The following ERG variants were observed in gnomAD, a reference collection of about 807,000 sequenced individuals.
The protein encoded by ERG is ETS transcription factor ERG, also known as transcriptional regulator ERG.
Under a neutral mutation model 55.3 loss-of-function variants are expected in ERG, and 9 were observed. The ratio of observed to expected loss-of-function variants is 0.16; its 90% CI spans 0.10 to 0.28. ERG has a LOEUF of 0.28. Among genes scored for constraint, ERG ranks in the 10% least tolerant of loss-of-function variants. The pLI is 1.00. For synonymous variants in ERG, 223 were observed against 237.3 expected, an observed-to-expected ratio of 0.94 and a Z score of 0.55; for missense variants, 434 against 631.6, an observed-to-expected ratio of 0.69 and a Z score of 3.35.
the ERG span, among the ~76,000 whole-genome samples, chr21:38,372,256 CATTTTATTA>C: frequency 6.6e-6 from 1 of 151,794 alleles, no homozygotes; most frequent in East Asian, 1.9e-4. Flanking sequence ...AAGATTTGTC[CATTTTATTA>C]ATCTTTTAAA....
chr21:38,446,168 C>T (rs182207998), intron 1 of ERG, among the ~76,000 whole-genome samples: 21 of 135,004 alleles, frequency 1.6e-4, no homozygotes, highest in African/African-American at 4.2e-4. Context: ...AGTTATTAGC[C>T]GAAGTACAGT....
At chr21:38,485,168 G>A (rs963201674) in intron 1 of ERG, among the ~76,000 whole-genome samples, 2 of 152,020 alleles carry the variant, frequency 1.3e-5, no homozygotes, top group Non-Finnish European at 2.9e-5. Context: ...ATGAAAAACA[G>A]TGATATTGAT....
At chr21:38,550,744 A>G (rs1462958823) in intron 2 of ERG, among the ~76,000 whole-genome samples, 1 of 152,184 alleles carries the variant, frequency 6.6e-6, no homozygotes, top group East Asian at 1.9e-4. Flanking sequence ...GGTGGCTTTG[A>G]GATAATTGAG....
intron 1 of ERG, among the ~76,000 whole-genome samples, chr21:38,578,479 A>G (rs999244673): frequency 1.3e-5 from 2 of 152,232 alleles, no homozygotes; most frequent in Admixed American, 6.5e-5. Context: ...GGCGGCCTAT[A>G]TGATCTGCTT....
intron 1 of ERG, among the ~76,000 whole-genome samples, chr21:38,590,315 A>C (rs531875577): frequency 6.6e-6 from 1 of 152,308 alleles, no homozygotes; most frequent in African/African-American, 2.4e-5. Flanking sequence ...GCATTTCAGT[A>C]AGTGGGAATG....
At chr21:38,457,942 C>G (rs977546592) in intron 1 of ERG, among the ~76,000 whole-genome samples, 1 of 152,222 alleles carries the variant, frequency 6.6e-6, no homozygotes, top group African/African-American at 2.4e-5. Context: ...TCCACTCTAG[C>G]AGACTTGCAC....
chr21:38,374,029 T>C, the ERG span, among the ~76,000 whole-genome samples: 7 of 152,230 alleles, frequency 4.6e-5, no homozygotes, highest in Non-Finnish European at 1.0e-4. Flanking sequence ...TTTTCAGCAA[T>C]TGTTTAATAT....
intron 2 of ERG, among the ~76,000 whole-genome samples, 181 bp downstream of exon 2, chr21:38,445,223 C>A (rs544551784): frequency 1.3e-4 from 20 of 151,136 alleles, no homozygotes; most frequent in African/African-American, 4.1e-4. Context: ...CTCACTGCAA[C>A]CTCTGCCTCC....
At chr21:38,496,289 A>C (rs935024923) in intron 1 of ERG, among the ~76,000 whole-genome samples, 1 of 152,224 alleles carries the variant, frequency 6.6e-6, no homozygotes, top group African/African-American at 2.4e-5. Context: ...TATTTACTGA[A>C]ACAACAAAAA....
rs1364662867 is a variant in ERG, at chr21:38,635,029, C to T, written c.-150+26629G>A. ...ACGGAGGAATCCTGAGTGCATATTG[C>T]TAAGGGAAAAGTCAATATGAAAAGC... On this transcript the variant is annotated intron_variant, in intron 1 of 10. Transcript: ENST00000398910. Among the ~76,000 whole-genome samples the T allele has an allele frequency of 3.9e-5, 6 of 152,128 alleles. No homozygotes were observed. The East Asian group carries it at 1.2e-3, about 29-fold the overall frequency.
chr21:38,591,222 A>C (rs918768658), intron 1 of ERG, among the ~76,000 whole-genome samples: 4 of 152,246 alleles, frequency 2.6e-5, no homozygotes, highest in African/African-American at 9.6e-5. Context: ...AAAGTCATTC[A>C]ACCAACCATA....
intron 2 of ERG, among the ~76,000 whole-genome samples, chr21:38,560,923 T>C (rs2059889068): frequency 6.6e-6 from 1 of 152,208 alleles, no homozygotes; most frequent in African/African-American, 2.4e-5. Flanking sequence ...ATGCTTTTAA[T>C]TGATGCAAGA....
rs557646831 is a variant in ERG at position 38,550,472 on chromosome 21, C to T, written c.-41+25190G>A. Reference sequence around the variant, plus strand: ...GACTAGGTCATAAGGATGGAGGTCTCATGAATTGCATTAGTACCTTTACAA... The same window carrying T: ...GACTAGGTCATAAGGATGGAGGTCTTATGAATTGCATTAGTACCTTTACAA... On this transcript the variant is annotated intron_variant, in intron 2 of 8. Transcript: ENST00000398897. Among the ~76,000 whole-genome samples the T allele has an allele frequency of 5.9e-5, 9 of 152,284 alleles. No individual in the cohort carries two copies. In the East Asian group the frequency reaches 1.7e-3, roughly 29 times the overall value.
chr21:38,589,835 T>A (rs1332109806), upstream of ERG, among the ~76,000 whole-genome samples: 2 of 152,194 alleles, frequency 1.3e-5, no homozygotes, highest in African/African-American at 4.8e-5. Flanking sequence ...GCACATCAAA[T>A]GCATTTTCCT....
At chr21:38,632,371 A>C (rs2060361880) in intron 1 of ERG, among the ~76,000 whole-genome samples, 1 of 152,198 alleles carries the variant, frequency 6.6e-6, no homozygotes, top group African/African-American at 2.4e-5. Context: ...AAAATTAAAA[A>C]CAAGTGTTGG....
At chr21:38,507,014 G>A (rs1344075443) in intron 2 of ERG, among the ~76,000 whole-genome samples, 2 of 151,984 alleles carry the variant, frequency 1.3e-5, no homozygotes, top group African/African-American at 4.8e-5. Flanking sequence ...ATGGGAGGAG[G>A]CCCGGACCCT....
rs367552184 is a variant in ERG at position 38,382,723 on chromosome 21, G to A, written c.*680C>T. ...TTCACCCCTCTGTCTACAATCACAC[G>A]CTCACTCTATACACATCCTCAGTCC... On this transcript the variant is annotated 3_prime_UTR_variant, in exon 10 of 10. Transcript: ENST00000288319. 1.0e-5 allele frequency: 11 copies of A among 1,066,118 alleles called. No individual in the cohort carries two copies. Among genetic ancestry groups the A allele is most frequent in the Admixed American group, 5.3e-5 (1 of 18,708 alleles). 66.0% of individuals were successfully genotyped at this position (1,066,118 alleles called of 1,614,324 possible).
rs1437801687 is a variant in ERG at position 38,460,420 on chromosome 21, T to C, written c.19-14799A>G. On this transcript the variant is annotated intron_variant, in intron 1 of 9. Coordinates refer to ENST00000288319, the MANE Select transcript of ERG (RefSeq NM_182918.4). The surrounding 1 kb of genome is among the most constrained non-coding windows in gnomAD (Gnocchi z 5.0). ...ATAAGGGTTCTGCAAAGAAAATTCT[T>C]TCTATCTTTAAAGTTTTATTATTTT... 6.6e-6 allele frequency among the ~76,000 whole-genome samples: 1 copy of C among 151,854 alleles called. No homozygotes were observed. The highest frequency in any genetic ancestry group is 1.5e-5 in the Non-Finnish European group (1 of 68,018).
Position 38,530,045 on chromosome 21 carries a change from G to A in ERG, c.-41+45617C>T, listed in dbSNP as rs777984925. Among the ~76,000 whole-genome samples the A allele has an allele frequency of 6.3e-4, 96 of 152,046 alleles. 1 individual carries two copies. The highest frequency in any genetic ancestry group is 1.2e-4 in the Non-Finnish European group (8 of 67,994). On this transcript the variant is annotated intron_variant, in intron 2 of 8. Coordinates refer to the ERG transcript ENST00000398897. ...CTTGTCCTGGAACAGAAGACACGAG[G>A]ACTTTTGGTTTTTTAGTTTTGTTTT...
Sources: gnomAD v4.1 joint callset for allele counts (sites outside exome capture counted in the v4.1 genomes callset) on GRCh38, gnomAD v4.1.1 for gene constraint, Gnocchi (gnomAD v3.1) non-coding constraint, MANE v1.5 for transcripts, NCBI Gene and HGNC (gene_info 2026-07-23, HGNC 2026-07-21) for gene names.